STK39: variants seen among roughly 807,000 people sequenced by gnomAD.
The protein encoded by STK39 is serine/threonine kinase 39, also known as STE20/SPS1-related proline-alanine-rich protein kinase.
In STK39, 20 loss-of-function variants were observed where a neutral mutation model predicts 77.8. The ratio of observed to expected loss-of-function variants is 0.26; its 90% CI spans 0.18 to 0.37. The LOEUF (loss-of-function observed/expected upper bound fraction) is 0.37, where lower values mean the gene tolerates loss of function less well. Ranked by LOEUF, STK39 falls within the 10% of genes least tolerant of loss-of-function variation. The pLI, the probability that STK39 is intolerant of heterozygous loss-of-function variation, is 1.00. For synonymous variants in STK39, 246 were observed against 234.1 expected (o/e 1.05, Z -0.47); for missense variants, 479 against 656.5 (o/e 0.73, Z 2.95).
chr2:168,232,055 T>C (rs916852332), intron 1 of STK39: 1 of 250,990 alleles, frequency 4.0e-6, no homozygotes, highest in East Asian at 9.4e-5. Context: ...CATCAGAGAC[T>C]CCAGGACCTC....
intron 1 of STK39, among the ~76,000 whole-genome samples, chr2:168,225,098 G>A (rs1445160844): frequency 1.3e-5 from 2 of 152,126 alleles, no homozygotes; most frequent in Non-Finnish European, 2.9e-5. Context: ...AAGCAGAATG[G>A]GGTTCAGGAG....
At chr2:168,103,822 C>CA (rs1686900760) in intron 10 of STK39, among the ~76,000 whole-genome samples, 3 of 152,200 alleles carry the variant, frequency 2.0e-5, no homozygotes, top group East Asian at 3.8e-4. Flanking sequence ...ATTTAGATCT[C>CA]ACAATCTGTG....
intron 14 of STK39, among the ~76,000 whole-genome samples, chr2:168,059,036 G>T (rs1441866249): frequency 1.3e-5 from 2 of 152,202 alleles, no homozygotes; most frequent in East Asian, 3.9e-4. Context: ...TGCCTGCACT[G>T]GTTACCTGGC....
Position 168,238,236 on chromosome 2 carries a change from T to A in STK39, c.208+8992A>T, listed in dbSNP as rs10175790. ...AGGTCACTGGCTCCAAAATACTCCCTGAATGAAGATCTATCATTCACAGGG... is the reference window on the plus strand; with the variant it reads ...AGGTCACTGGCTCCAAAATACTCCCAGAATGAAGATCTATCATTCACAGGG... On this transcript the variant is annotated intron_variant, in intron 1 of 17. Transcript: ENST00000355999. Among the ~76,000 whole-genome samples, 474 of 152,130 alleles carry A rather than the reference T, an allele frequency of 3.1e-3. 6 individuals are homozygous for A. The highest frequency in any genetic ancestry group is 0.011 in the African/African-American group (449 of 41,508).
intron 10 of STK39, among the ~76,000 whole-genome samples, chr2:168,124,884 C>G (rs540244088): frequency 6.6e-6 from 1 of 151,828 alleles, no homozygotes; most frequent in African/African-American, 2.4e-5. Context: ...AACAGAAAAC[C>G]AAACACTGCA....
intron 16 of STK39, among the ~76,000 whole-genome samples, chr2:167,968,575 T>C (rs1035219133): frequency 6.6e-6 from 1 of 152,192 alleles, no homozygotes; most frequent in African/African-American, 2.4e-5. Flanking sequence ...CGGAGTCTAA[T>C]GTACTACTTC....
At chr2:167,962,917 G>C (rs982677030) in intron 17 of STK39, among the ~76,000 whole-genome samples, 7 of 152,158 alleles carry the variant, frequency 4.6e-5, no homozygotes, top group Non-Finnish European at 1.0e-4. Context: ...CGAGGTTCCC[G>C]AGATGTGAAA....
At chr2:168,033,722 T>A (rs1465266943) in intron 14 of STK39, among the ~76,000 whole-genome samples, 1 of 152,218 alleles carries the variant, frequency 6.6e-6, no homozygotes, top group African/African-American at 2.4e-5. Flanking sequence ...CACAAAGTAC[T>A]TGGTTGCTTA....
chr2:168,144,967 T>G (rs199822966), intron 5 of STK39, among the ~76,000 whole-genome samples: 1 of 98,886 alleles, frequency 1.0e-5, no homozygotes, highest in Non-Finnish European at 1.8e-5. Flanking sequence ...GGCAACAGAG[T>G]GAGCCCGTCT....
intron 6 of STK39, 25 bp from the exon 7 acceptor site, chr2:168,140,415 C>T (rs1687950028): frequency 6.3e-7 from 1 of 1,575,208 alleles, no homozygotes; most frequent in African/African-American, 1.3e-5. Context: ...AGGAAAAAAA[C>T]ACAATCATAC....
chr2:168,026,086 A>G (rs1684691447), intron 14 of STK39, among the ~76,000 whole-genome samples: 1 of 152,234 alleles, frequency 6.6e-6, no homozygotes, highest in African/African-American at 2.4e-5. Context: ...AGCCATTATT[A>G]GGCCTCATAT....
At chr2:168,057,994 C>T (rs919899775) in intron 14 of STK39, among the ~76,000 whole-genome samples, 1 of 152,138 alleles carries the variant, frequency 6.6e-6, no homozygotes, top group Non-Finnish European at 1.5e-5. Flanking sequence ...GAATCATTCC[C>T]ATTCACCTGT....
chr2:168,052,361 A>G (rs1685420616), intron 14 of STK39, among the ~76,000 whole-genome samples: 1 of 152,334 alleles, frequency 6.6e-6, no homozygotes, highest in East Asian at 1.9e-4. Context: ...TGCAGAGAAA[A>G]TATCTTTAAA....
At chr2:167,961,632 CCCT>C (rs932568404) in intron 17 of STK39, among the ~76,000 whole-genome samples, 6 of 152,224 alleles carry the variant, frequency 3.9e-5, no homozygotes, top group Admixed American at 3.9e-4. Flanking sequence ...AGCTGAAATG[CCCT>C]CTATGCCTGA....
At chr2:168,147,715 T>C (rs1688177853) in intron 5 of STK39, among the ~76,000 whole-genome samples, 1 of 152,136 alleles carries the variant, frequency 6.6e-6, no homozygotes, top group African/African-American at 2.4e-5. Context: ...TTAACTAAAA[T>C]AGAATGACTA....
rs200080544 is a variant in STK39 at position 167,955,083 on chromosome 2, A to G, written c.*413T>C. 1.9e-5 allele frequency: 3 copies of G among 155,094 alleles called. No homozygotes were observed. Among genetic ancestry groups the G allele is most frequent in the Admixed American group, 6.4e-5 (1 of 15,746 alleles). 9.6% of individuals were successfully genotyped at this position (155,094 alleles called of 1,614,324 possible). A position where few individuals can be genotyped will look rare whatever the true frequency, so the allele number is the denominator to read the frequency against. ...ATGTACAATTAAAGTATTATAACAG[A>G]AATAACAACAATGAAAGGAGAAATA... On this transcript the variant is annotated 3_prime_UTR_variant, in exon 18 of 18. Coordinates refer to ENST00000355999, the MANE Select transcript of STK39 (RefSeq NM_013233.3).
intron 1 of STK39, among the ~76,000 whole-genome samples, chr2:168,230,220 A>C (rs1690419021): frequency 6.6e-6 from 1 of 152,124 alleles, no homozygotes; most frequent in South Asian, 2.1e-4. Context: ...AAAGTAGAAA[A>C]ATCTATCTCC....
At chr2:168,239,978 A>T (rs1690718561) in intron 1 of STK39, among the ~76,000 whole-genome samples, 1 of 152,260 alleles carries the variant, frequency 6.6e-6, no homozygotes, top group South Asian at 2.1e-4. Context: ...ATTCATGAAC[A>T]TGCACCAAGA....
At position 167,975,538 on chromosome 2, in the gene STK39, G is replaced by A. The variant is rs146288950; in HGVS notation, c.1499-10812C>T. Among the ~76,000 whole-genome samples, 182 of 152,278 alleles carry A rather than the reference G, an allele frequency of 1.2e-3. 2 individuals carry two copies. The highest frequency in any genetic ancestry group is 3.8e-3 in the African/African-American group (158 of 41,552). On this transcript the variant is annotated intron_variant, in intron 16 of 17. Transcript: ENST00000355999. ...TAGTGCAAAAGGTGGACTGTAGGCC[G>A]GGCACGGTGGCTCACGCCTGTAATC...
Sources: gnomAD v4.1 joint callset for allele counts (sites outside exome capture counted in the v4.1 genomes callset) on GRCh38, gnomAD v4.1.1 for gene constraint, MANE v1.5 for transcripts, NCBI Gene and HGNC (gene_info 2026-07-23, HGNC 2026-07-21) for gene names.